CDKAL1: variants seen among roughly 807,000 people sequenced by gnomAD.
CDKAL1 encodes threonylcarbamoyladenosine tRNA methylthiotransferase.
In CDKAL1, 32 loss-of-function variants were observed where a neutral mutation model predicts 68.2. The observed-to-expected ratio is 0.47, with a 90% CI of 0.35 to 0.63. CDKAL1 has a LOEUF of 0.63. Ranked by LOEUF, CDKAL1 falls within the 30% of genes least tolerant of loss-of-function variation. The pLI is 0.00. For synonymous variants in CDKAL1, 234 were observed against 244.3 expected, an observed-to-expected ratio of 0.96 and a Z score of 0.39; for missense variants, 606 against 696.7, an observed-to-expected ratio of 0.87 and a Z score of 1.47.
At chr6:20,694,115 G>A (rs1771005286) in intron 5 of CDKAL1, among the ~76,000 whole-genome samples, 1 of 150,924 alleles carries the variant, frequency 6.6e-6, no homozygotes, top group African/African-American at 2.5e-5. Context: ...TGGTATAGAA[G>A]TGTTCTCAGT....
chr6:20,580,229 A>G (rs77240797), intron 4 of CDKAL1, among the ~76,000 whole-genome samples: 1 of 152,212 alleles, frequency 6.6e-6, no homozygotes, highest in Non-Finnish European at 1.5e-5. Flanking sequence ...TGGGGTTTCA[A>G]TTATTTTCAA....
chr6:20,784,937 AT>A (rs1775606165), intron 8 of CDKAL1, among the ~76,000 whole-genome samples: 1 of 152,124 alleles, frequency 6.6e-6, no homozygotes, highest in Admixed American at 6.5e-5. Flanking sequence ...TTAGGTAACC[AT>A]TTTCAATAGC....
intron 12 of CDKAL1, among the ~76,000 whole-genome samples, chr6:21,081,930 T>G (rs1772428514): frequency 6.6e-6 from 1 of 152,000 alleles, no homozygotes; most frequent in African/African-American, 2.4e-5. Flanking sequence ...TATGGTTCAT[T>G]AATAACTCCA....
chr6:20,638,532 T>C (rs1416767557), intron 4 of CDKAL1, among the ~76,000 whole-genome samples: 2 of 152,076 alleles, frequency 1.3e-5, no homozygotes, highest in Non-Finnish European at 2.9e-5. Flanking sequence ...TGAAGGGCCC[T>C]GGAAAGTCCA....
intron 15 of CDKAL1, among the ~76,000 whole-genome samples, chr6:21,219,823 A>G (rs1289207019): frequency 6.6e-6 from 1 of 152,194 alleles, no homozygotes; most frequent in African/African-American, 2.4e-5. Flanking sequence ...GTTGGAATGA[A>G]ACCCTTAGGA....
At chr6:20,931,200 G>A (rs1051845174) in intron 9 of CDKAL1, among the ~76,000 whole-genome samples, 3 of 152,160 alleles carry the variant, frequency 2.0e-5, no homozygotes, top group African/African-American at 7.2e-5. Context: ...CATATGGGAT[G>A]TACATTTAAT....
At chr6:21,053,182 T>C (rs1770635851) in intron 11 of CDKAL1, among the ~76,000 whole-genome samples, 1 of 152,252 alleles carries the variant, frequency 6.6e-6, no homozygotes, top group African/African-American at 2.4e-5. Context: ...GCTTTCTGTC[T>C]ATTCTAAGTC....
chr6:20,600,724 A>G (rs1482280004), intron 4 of CDKAL1, among the ~76,000 whole-genome samples: 8 of 149,554 alleles, frequency 5.3e-5, no homozygotes, highest in East Asian at 2.0e-4. Flanking sequence ...GATCATATTT[A>G]ATGATGATTT....
chr6:20,730,435 A>G (rs909315436), intron 5 of CDKAL1, among the ~76,000 whole-genome samples: 19 of 146,600 alleles, frequency 1.3e-4, no homozygotes, highest in African/African-American at 4.7e-4. Flanking sequence ...AGGAAGAAAG[A>G]AAGAGAAAGA....
chr6:20,806,263 C>T lies in CDKAL1; in HGVS notation c.638+24998C>T, dbSNP rs146018730. Among the ~76,000 whole-genome samples, 949 of 152,174 alleles carry T rather than the reference C, an allele frequency of 6.2e-3. 5 individuals are homozygous for T. Among genetic ancestry groups the T allele is most frequent in the African/African-American group, 0.017 (690 of 41,504 alleles). ...TTGGTTTTCTGTTTCTGCGTTAGTT[C>T]GCTTAGGATAATGTCCTGCAACTCC... On this transcript the variant is annotated intron_variant, in intron 8 of 15. Transcript: ENST00000274695.
At chr6:21,124,114 C>T (rs984978798) in intron 13 of CDKAL1, among the ~76,000 whole-genome samples, 1 of 152,122 alleles carries the variant, frequency 6.6e-6, no homozygotes, top group Non-Finnish European at 1.5e-5. Context: ...ATTTTCAAAT[C>T]GAGTATTCAT....
At chr6:20,624,008 A>G (rs7743314) in intron 4 of CDKAL1, among the ~76,000 whole-genome samples, 20,095 of 152,062 alleles carry the variant, frequency 0.13, 1,697 homozygotes, top group South Asian at 0.24. Flanking sequence ...ATTTTTTTAA[A>G]GGAGTATGGG....
At chr6:20,732,283 T>TTTTTTTTTTTTTTTTTTTTTTTG (rs1554112044) in intron 5 of CDKAL1, among the ~76,000 whole-genome samples, 1 of 117,488 alleles carries the variant, frequency 8.5e-6, no homozygotes, top group Non-Finnish European at 1.8e-5. Context: ...TTTTTTTTTT[T>TTTTTTTTTTTTTTTTTTTTTTTG]TTGTTGTTGT....
At chr6:20,631,609 A>G (rs1767678272) in intron 4 of CDKAL1, among the ~76,000 whole-genome samples, 1 of 152,182 alleles carries the variant, frequency 6.6e-6, no homozygotes, top group South Asian at 2.1e-4. Context: ...CTAATCTCTG[A>G]ACTCTTAAAA....
At position 21,189,118 on chromosome 6, in the gene CDKAL1, G is replaced by A. The variant is rs1386889067; in HGVS notation, c.1300-8903G>A. 4.6e-5 allele frequency among the ~76,000 whole-genome samples: 7 copies of A among 152,160 alleles called. No homozygotes were observed. The South Asian group carries it at 6.2e-4, about 13-fold the overall frequency. On this transcript the variant is annotated intron_variant, in intron 13 of 15. Transcript: ENST00000274695. ...GTCTTCCTCTTACTGGGGTAGACAC[G>A]GCTAGAAGAAAACCAACCAGCGTGA... is the stretch of plus-strand genomic sequence containing the variant.
At chr6:20,618,386 T>C (rs1224099931) in intron 4 of CDKAL1, among the ~76,000 whole-genome samples, 1 of 152,202 alleles carries the variant, frequency 6.6e-6, no homozygotes, top group Non-Finnish European at 1.5e-5. Context: ...TGATGGTAGT[T>C]TCTTTTGCTC....
intron 10 of CDKAL1, among the ~76,000 whole-genome samples, chr6:20,988,764 C>G (rs1766625516): frequency 6.6e-6 from 1 of 152,080 alleles, no homozygotes; most frequent in Admixed American, 6.6e-5. Flanking sequence ...ATTCTCCTGC[C>G]TCAGCCTCCC....
chr6:20,593,009 G>A (rs1765659512), intron 4 of CDKAL1, among the ~76,000 whole-genome samples: 1 of 152,168 alleles, frequency 6.6e-6, no homozygotes, highest in Non-Finnish European at 1.5e-5. Flanking sequence ...TTGCATCCCA[G>A]GGATGAAGCC....
chr6:21,058,160 G>A (rs1425928492), intron 11 of CDKAL1, among the ~76,000 whole-genome samples: 1 of 152,126 alleles, frequency 6.6e-6, no homozygotes, highest in African/African-American at 2.4e-5. Context: ...TCTCTTTGTA[G>A]GTCTCTAAGA....
Sources: gnomAD v4.1 joint callset for allele counts (sites outside exome capture counted in the v4.1 genomes callset) on GRCh38, gnomAD v4.1.1 for gene constraint, MANE v1.5 for transcripts, NCBI Gene and HGNC (gene_info 2026-07-23, HGNC 2026-07-21) for gene names.